PLA2G4A: variants seen among roughly 807,000 people sequenced by gnomAD.
PLA2G4A encodes the protein cytosolic phospholipase A2.
PLA2G4A carries 40 observed loss-of-function variants against 81.9 expected under a neutral mutation model. The observed-to-expected ratio is 0.49, with a 90% CI of 0.38 to 0.64. The LOEUF (loss-of-function observed/expected upper bound fraction) is 0.64. Ranked by LOEUF, PLA2G4A falls within the 30% of genes least tolerant of loss-of-function variation. PLA2G4A has a pLI of 0.00. For synonymous variants in PLA2G4A, 302 were observed against 296.9 expected, an observed-to-expected ratio of 1.02 and a Z score of -0.18; for missense variants, 715 against 905.1, an observed-to-expected ratio of 0.79 and a Z score of 2.69.
chr1:186,937,882 A>G (rs1250128713), intron 8 of PLA2G4A, among the ~76,000 whole-genome samples: 1 of 152,072 alleles, frequency 6.6e-6, no homozygotes, highest in Non-Finnish European at 1.5e-5. Flanking sequence ...TGAGTCTTCA[A>G]GACAACAGCT....
At chr1:186,857,844 C>G (rs531860679) in intron 2 of PLA2G4A, among the ~76,000 whole-genome samples, 1 of 152,170 alleles carries the variant, frequency 6.6e-6, no homozygotes, top group South Asian at 2.1e-4. Context: ...TGAGTGAGAA[C>G]ACTTGGTGTT....
At chr1:186,830,977 T>G (rs200575594) in intron 1 of PLA2G4A, among the ~76,000 whole-genome samples, 3,265 of 131,784 alleles carry the variant, frequency 0.025, 50 homozygotes, top group African/African-American at 0.046. Flanking sequence ...TTTCTTTCTT[T>G]CTTTCTTTCT....
chr1:186,912,796 G>GTATACTTATA (rs1655007564), intron 7 of PLA2G4A, among the ~76,000 whole-genome samples: 4 of 128,714 alleles, frequency 3.1e-5, no homozygotes, highest in African/African-American at 1.3e-4. Context: ...ATATATATAT[G>GTATACTTATA]TATATATATA....
At chr1:186,878,046 A>T (rs1471446926) in intron 3 of PLA2G4A, among the ~76,000 whole-genome samples, 1 of 148,574 alleles carries the variant, frequency 6.7e-6, no homozygotes, top group Non-Finnish European at 1.5e-5. Flanking sequence ...TTTATAAATG[A>T]CATTGCTGTT....
chr1:186,949,430 G>A (rs1047565792), intron 12 of PLA2G4A, among the ~76,000 whole-genome samples: 2 of 145,614 alleles, frequency 1.4e-5, no homozygotes, highest in Non-Finnish European at 3.1e-5. Flanking sequence ...GCAATAGAAA[G>A]AAAGAAAATA....
At chr1:186,934,463 T>TATATATATATATATATATAC (rs368585350) in intron 8 of PLA2G4A, among the ~76,000 whole-genome samples, 26 of 143,514 alleles carry the variant, frequency 1.8e-4, no homozygotes, top group South Asian at 6.6e-4. Context: ...TATATATATA[T>TATATATATATATATATATAC]ACATACACAG....
intron 7 of PLA2G4A, among the ~76,000 whole-genome samples, chr1:186,922,889 G>A (rs536769371): frequency 6.6e-6 from 1 of 152,188 alleles, no homozygotes; most frequent in Non-Finnish European, 1.5e-5. Context: ...ACGGGGGGCT[G>A]CATGCACTGG....
chr1:186,868,153 C>T (rs1385086999), intron 2 of PLA2G4A, among the ~76,000 whole-genome samples: 6 of 145,668 alleles, frequency 4.1e-5, no homozygotes, highest in African/African-American at 1.3e-4. Context: ...TTGCTTGCTG[C>T]AACCACTGCT....
intron 13 of PLA2G4A, among the ~76,000 whole-genome samples, chr1:186,951,435 A>G (rs977409654): frequency 9.8e-6 from 1 of 101,852 alleles, no homozygotes; most frequent in Non-Finnish European, 1.9e-5. Flanking sequence ...AGCCATTTAT[A>G]AAAATGTTCC....
intron 15 of PLA2G4A, among the ~76,000 whole-genome samples, chr1:186,973,994 T>C (rs890329472): frequency 4.6e-5 from 7 of 151,992 alleles, no homozygotes; most frequent in South Asian, 2.1e-4. Context: ...TTGGTTTGCA[T>C]AGAGACAAAA....
At chr1:186,916,612 C>G (rs1655147887) in intron 7 of PLA2G4A, among the ~76,000 whole-genome samples, 1 of 152,104 alleles carries the variant, frequency 6.6e-6, no homozygotes, top group African/African-American at 2.4e-5. Context: ...TGAGTCCCCA[C>G]CAGTCTTCAG....
chr1:186,957,228 A>C (rs1656785265), intron 14 of PLA2G4A, among the ~76,000 whole-genome samples: 1 of 152,198 alleles, frequency 6.6e-6, no homozygotes, highest in African/African-American at 2.4e-5. Flanking sequence ...AGTTGCAGAA[A>C]TTTGGAAACT....
At chr1:186,934,867 A>G (rs1655885121) in intron 8 of PLA2G4A, among the ~76,000 whole-genome samples, 1 of 151,822 alleles carries the variant, frequency 6.6e-6, no homozygotes, top group Non-Finnish European at 1.5e-5. Flanking sequence ...TGTCCCTACC[A>G]CTTCCACAAT....
chr1:186,920,994 AG>A (rs1212830549), intron 7 of PLA2G4A, among the ~76,000 whole-genome samples: 1 of 152,180 alleles, frequency 6.6e-6, no homozygotes, highest in African/African-American at 2.4e-5. Context: ...GATCAAAAGG[AG>A]TGTACATAGG....
rs1398652692 is a variant in PLA2G4A at position 186,979,826 on chromosome 1, C to T, written c.2118+354C>T. ...AATATGAGTATGAAAGTGAATGGAA[C>T]CAGAAGTGTAGTTAATCTGCAAAAA... On this transcript the variant is annotated intron_variant, in intron 17 of 17. Coordinates refer to ENST00000367466, the MANE Select transcript of PLA2G4A (RefSeq NM_024420.3). 2.6e-5 allele frequency among the ~76,000 whole-genome samples: 4 copies of T among 151,522 alleles called. No individual in the cohort carries two copies. In the East Asian group the frequency reaches 5.8e-4, roughly 22 times the overall value.
At chr1:186,899,928 A>G (rs931285751) in intron 5 of PLA2G4A, among the ~76,000 whole-genome samples, 1 of 152,220 alleles carries the variant, frequency 6.6e-6, no homozygotes, top group African/African-American at 2.4e-5. Flanking sequence ...GCTTAGAAGC[A>G]GTGAGGATCC....
chr1:186,830,989 T>C (rs181757362), intron 1 of PLA2G4A, among the ~76,000 whole-genome samples: 2 of 140,382 alleles, frequency 1.4e-5, no homozygotes, highest in Non-Finnish European at 3.3e-5. Context: ...TTTCTTTCTT[T>C]CTTTCTTTCT....
rs558687663 is a variant in PLA2G4A at position 186,905,343 on chromosome 1, CTG to C, written c.379-1621_379-1620del. ...CATCCACTCACAATGGCTTTACACT[CTG>C]GTGATAAAAACATTAAATCTAGTAT... On this transcript the variant is annotated intron_variant, in intron 5 of 17. Coordinates refer to ENST00000367466, the MANE Select transcript of PLA2G4A (RefSeq NM_024420.3). 2.2e-3 allele frequency among the ~76,000 whole-genome samples: 331 copies of C among 151,794 alleles called. 2 individuals carry two copies. Among genetic ancestry groups the C allele is most frequent in the African/African-American group, 7.1e-3 (293 of 41,330 alleles).
At chr1:186,889,133 T>C (rs183241945) in intron 3 of PLA2G4A, among the ~76,000 whole-genome samples, 1 of 152,312 alleles carries the variant, frequency 6.6e-6, no homozygotes, top group African/African-American at 2.4e-5. Flanking sequence ...CTCTTCTTCT[T>C]TGGCCCATTT....
Sources: allele counts gnomAD v4.1 joint callset (sites outside exome capture counted in the v4.1 genomes callset), GRCh38; gene constraint gnomAD v4.1.1; transcripts MANE v1.5; gene names NCBI Gene and HGNC (gene_info 2026-07-23, HGNC 2026-07-21).